GALNT10: variants seen among roughly 807,000 people sequenced by gnomAD.
The protein encoded by GALNT10 is polypeptide N-acetylgalactosaminyltransferase 10.
In GALNT10, 41 loss-of-function variants were observed where a neutral mutation model predicts 75.0. The ratio of observed to expected loss-of-function variants is 0.55; its 90% CI spans 0.43 to 0.71. The LOEUF (loss-of-function observed/expected upper bound fraction) is 0.71. Ranked by LOEUF, GALNT10 falls within the 30% of genes least tolerant of loss-of-function variation. GALNT10 has a pLI of 0.00. For missense variants in GALNT10, 727 were observed against 818.5 expected, an observed-to-expected ratio of 0.89 and a Z score of 1.36; for synonymous variants, 302 against 313.0, an observed-to-expected ratio of 0.96 and a Z score of 0.37.
Position 154,298,572 on chromosome 5 carries a change from A to G in GALNT10, c.401+493A>G, listed in dbSNP as rs1581962088. On this transcript the variant is annotated intron_variant, in intron 3 of 11. Transcript: ENST00000297107. This position sits in a 1 kb window ranked among gnomAD's most constrained non-coding sequence, Gnocchi z 4.1. The stretch of plus-strand genomic sequence containing the variant: ...ACTATGTGCCAAACGCTTTATTTGT[A>G]TCATCTCAGGTTGCTGTGAGGTAGG... 6.6e-6 allele frequency among the ~76,000 whole-genome samples: 1 copy of G among 152,210 alleles called. No individual in the cohort carries two copies. The highest frequency in any genetic ancestry group is 2.1e-4 in the South Asian group (1 of 4,830).
At chr5:154,324,645 T>C (rs1430866858) in intron 3 of GALNT10, among the ~76,000 whole-genome samples, 5 of 152,280 alleles carry the variant, frequency 3.3e-5, no homozygotes, top group South Asian at 2.1e-4. Context: ...GGCATCAAAG[T>C]CACCCAGGGA....
intron 7 of GALNT10, among the ~76,000 whole-genome samples, chr5:154,393,838 G>C (rs941094615): frequency 6.6e-6 from 1 of 151,770 alleles, no homozygotes; most frequent in African/African-American, 2.4e-5. Flanking sequence ...GTGAGAACTT[G>C]TCTCAAAGGA....
chr5:154,223,892 C>G (rs1474807358), intron 1 of GALNT10, among the ~76,000 whole-genome samples: 1 of 150,624 alleles, frequency 6.6e-6, no homozygotes, highest in Admixed American at 6.6e-5. Flanking sequence ...TGCACTCCAG[C>G]CTGGGTGACA....
At chr5:154,342,646 T>C (rs1755052019) in intron 4 of GALNT10, among the ~76,000 whole-genome samples, 1 of 152,236 alleles carries the variant, frequency 6.6e-6, no homozygotes, top group East Asian at 1.9e-4. Context: ...ATGTATACCC[T>C]GGGTCAGCAA....
chr5:154,350,453 C>T (rs2113143108), intron 4 of GALNT10, among the ~76,000 whole-genome samples: 1 of 152,270 alleles, frequency 6.6e-6, no homozygotes, highest in South Asian at 2.1e-4. Flanking sequence ...TGAGCATATC[C>T]TTTGATCTAG....
At chr5:154,194,705 A>T (rs1431203410) in intron 1 of GALNT10, among the ~76,000 whole-genome samples, 2 of 152,210 alleles carry the variant, frequency 1.3e-5, no homozygotes, top group African/African-American at 4.8e-5. Flanking sequence ...GAAAAGGCAA[A>T]TGCATATTGT....
chr5:154,303,131 C>T (rs553360333), intron 3 of GALNT10, among the ~76,000 whole-genome samples: 1 of 152,124 alleles, frequency 6.6e-6, no homozygotes, highest in East Asian at 1.9e-4. Context: ...AAAGGCCAGG[C>T]AAAATACATG....
intron 9 of GALNT10, among the ~76,000 whole-genome samples, chr5:154,410,541 A>T (rs1756376547): frequency 1.3e-5 from 2 of 152,074 alleles, no homozygotes. Context: ...ACAGAGCAAG[A>T]CCCTGCCTCG....
At chr5:154,358,348 C>T (rs199641098) in intron 4 of GALNT10, among the ~76,000 whole-genome samples, 1 of 125,982 alleles carries the variant, frequency 7.9e-6, no homozygotes, top group African/African-American at 2.9e-5. Context: ...ACAATAATAA[C>T]AATCACCACC....
intron 7 of GALNT10, 152 bp downstream of exon 7, chr5:154,386,582 T>C (rs1343764418): frequency 7.1e-6 from 2 of 280,000 alleles, no homozygotes; most frequent in Non-Finnish European, 1.4e-5. Context: ...CAGGGGCTCA[T>C]GGGCCACTCT....
intron 4 of GALNT10, among the ~76,000 whole-genome samples, chr5:154,366,671 G>T (rs1240610698): frequency 6.6e-6 from 1 of 152,156 alleles, no homozygotes; most frequent in African/African-American, 2.4e-5. Flanking sequence ...ACTAAAAAAG[G>T]CCCTCTGGAG....
chr5:154,264,313 CA>C (rs372645621), intron 1 of GALNT10, among the ~76,000 whole-genome samples: 20,154 of 104,872 alleles, frequency 0.19, 890 homozygotes, highest in African/African-American at 0.21. Context: ...ACTCTGTCTC[CA>C]AAAAAAAAAA....
chr5:154,345,628 CTTTTT>C (rs751597207), intron 4 of GALNT10, among the ~76,000 whole-genome samples: 12 of 118,540 alleles, frequency 1.0e-4, no homozygotes, highest in Admixed American at 7.1e-4. Flanking sequence ...AAATTTCCAC[CTTTTT>C]TTTTTTTTTT....
At chr5:154,245,293 G>A (rs1266110660) in intron 1 of GALNT10, among the ~76,000 whole-genome samples, 1 of 152,232 alleles carries the variant, frequency 6.6e-6, no homozygotes, top group African/African-American at 2.4e-5. Flanking sequence ...TCGGATACGG[G>A]GAGGTGAGGG....
At chr5:154,377,600 G>A (rs1363559) in intron 5 of GALNT10, among the ~76,000 whole-genome samples, 50,281 of 151,928 alleles carry the variant, frequency 0.33, 8,605 homozygotes, top group East Asian at 0.52. Context: ...CACACTTTGA[G>A]AAGCACTGGT....
intron 7 of GALNT10, among the ~76,000 whole-genome samples, chr5:154,399,651 C>T (rs1756116845): frequency 6.6e-6 from 1 of 152,214 alleles, no homozygotes; most frequent in South Asian, 2.1e-4. Flanking sequence ...TCATCTTTCT[C>T]TCTAGTCAAG....
rs771092965 is a variant in GALNT10, at chr5:154,380,524, G to T, written c.831G>T (p.Glu277Asp). Residue 277 changes from glutamate (E) to aspartate (D), a missense_variant, in exon 6 of 12, where the codon GAG becomes GAT. Glu to Asp is a conservative substitution (Grantham distance 45). Transcript: ENST00000297107. The stretch of plus-strand genomic sequence containing the variant: ...TTGACCATGACGACTTTCGGTACGA[G>T]ACACAGGCAGGGGATGCCATGCGGG... ...DVIDHDDFRY[E>D]TQAGDAMRGA... 8.1e-6 allele frequency: 13 copies of T among 1,614,002 alleles called. 1 individual carries two copies. The South Asian group carries it at 1.4e-4, about 18-fold the overall frequency.
chr5:154,341,899 C>G (rs1755037447), intron 4 of GALNT10, among the ~76,000 whole-genome samples: 2 of 152,138 alleles, frequency 1.3e-5, no homozygotes, highest in Non-Finnish European at 2.9e-5. Flanking sequence ...TCAGACCAGT[C>G]CCACCCCGTC....
At chr5:154,270,952 T>A (rs1436583023) in intron 1 of GALNT10, among the ~76,000 whole-genome samples, 1 of 125,516 alleles carries the variant, frequency 8.0e-6, no homozygotes, top group East Asian at 2.4e-4. Context: ...CGAGAGCACA[T>A]CACTGCACTC....
Sources: gnomAD v4.1 joint callset for allele counts (sites outside exome capture counted in the v4.1 genomes callset) on GRCh38, gnomAD v4.1.1 for gene constraint, Gnocchi (gnomAD v3.1) non-coding constraint, MANE v1.5 for transcripts, NCBI Gene and HGNC (gene_info 2026-07-23, HGNC 2026-07-21) for gene names.